Variants in C1orf198 observed in about 807,000 individuals in gnomAD.
C1orf198 encodes the protein chromosome 1 open reading frame 198, also known as uncharacterized protein C1orf198.
Under a neutral mutation model 31.4 loss-of-function variants are expected in C1orf198, and 17 were observed. The observed-to-expected ratio is 0.54, with a 90% CI of 0.37 to 0.81. C1orf198 has a LOEUF of 0.81. Among genes scored for constraint, C1orf198 ranks in the 40% least tolerant of loss-of-function variants. C1orf198 has a pLI of 0.00. For missense variants in C1orf198, 401 were observed against 450.3 expected (o/e 0.89, Z 0.99); for synonymous variants, 175 against 193.8 (o/e 0.90, Z 0.81).
At chr1:230,869,142 T>C (rs35748402), upstream of C1orf198, 45,771 of 152,396 alleles carry the variant, frequency 0.3, 7,453 homozygotes, top group East Asian at 0.52. Context: ...GCCCGGAGGC[T>C]GGAGGGCGAC....
chr1:230,864,661 G>A (rs1046505106), intron 1 of C1orf198, among the ~76,000 whole-genome samples: 2 of 152,180 alleles, frequency 1.3e-5, no homozygotes, highest in African/African-American at 4.8e-5. Context: ...CGTATGGAGA[G>A]ATGGAAGAGG....
intron 1 of C1orf198, among the ~76,000 whole-genome samples, chr1:230,861,800 G>A (rs980692409): frequency 1.3e-5 from 2 of 152,220 alleles, no homozygotes; most frequent in Non-Finnish European, 2.9e-5. Flanking sequence ...AAAACAGCTA[G>A]GCGGGGAGTG....
In C1orf198 at chr1:230,843,385, T is replaced by C; in HGVS notation, c.896A>G (p.Asp299Gly). 1 of 1,559,954 alleles carries C rather than the reference T, an allele frequency of 6.4e-7. No individual in the cohort carries two copies. ...SPDVRQDDGE[D>G]TLFSEPKFAQ... ...AAACTTGGGTTCCGAGAACAGGGTG[T>C]CTTCCCCATCGTCCTGCCTGACATC... The change falls in exon 3 of 4, where the codon GAC becomes GGC. Residue 299 changes from aspartate (D) to glycine (G), a missense_variant. Physicochemically the swap from Asp to Gly is moderately conservative, Grantham distance 94. Transcript: ENST00000366663. The surrounding 1 kb of genome is among the most constrained non-coding windows in gnomAD (Gnocchi z 4.9).
chr1:230,869,203 C>G (rs962059749), upstream of C1orf198: 1 of 152,306 alleles, frequency 6.6e-6, no homozygotes, highest in Non-Finnish European at 1.5e-5. Flanking sequence ...AAAGTCAGCT[C>G]CCGCCGCCCC....
chr1:230,860,045 T>G (rs75905248), intron 1 of C1orf198, among the ~76,000 whole-genome samples: 2,103 of 152,294 alleles, frequency 0.014, 45 homozygotes, highest in African/African-American at 0.048. Flanking sequence ...GAGAGCTGAT[T>G]GTAAAATTTT....
chr1:230,866,975 T>A (rs1164652573), intron 1 of C1orf198, among the ~76,000 whole-genome samples: 1 of 152,182 alleles, frequency 6.6e-6, no homozygotes, highest in Non-Finnish European at 1.5e-5. Context: ...CACTTTTCCC[T>A]CACATTAAAG....
Position 230,839,820 on chromosome 1 carries a change from T to C in C1orf198, c.*32A>G. 6.3e-7 allele frequency: 1 copy of C among 1,596,156 alleles called. No homozygotes were observed. Among genetic ancestry groups the C allele is most frequent in the Non-Finnish European group, 8.6e-7 (1 of 1,167,936 alleles). On this transcript the variant is annotated 3_prime_UTR_variant, in exon 4 of 4. Coordinates refer to ENST00000366663, the MANE Select transcript of C1orf198 (RefSeq NM_032800.3). ...CACCACACCACTTTGGAAAACATTT[T>C]AGGGTTCTTCATTGTATTTTTCTAA...
chr1:230,855,769 C>A, intron 1 of C1orf198, 51 bp from the exon 2 acceptor site: 1 of 1,605,302 alleles, frequency 6.2e-7, no homozygotes, highest in East Asian at 2.2e-5. Context: ...AGACATACCC[C>A]ATGCAAATAT....
rs1038851804 is a variant in C1orf198, at chr1:230,839,222, G to A, written c.*630C>T. 6.6e-6 allele frequency: 1 copy of A among 152,586 alleles called. No homozygotes were observed. The highest frequency in any genetic ancestry group is 1.5e-5 in the Non-Finnish European group (1 of 68,352). The allele number at this position is 152,586 out of a possible 1,614,324, so 9.5% of individuals were successfully genotyped here. The stretch of plus-strand genomic sequence containing the variant: ...CAATCCATACTCTGAATATGTATCA[G>A]AGCAGGTTAAAGACTACACTGCTAC... On this transcript the variant is annotated 3_prime_UTR_variant, in exon 4 of 4. Transcript: ENST00000366663.
intron 1 of C1orf198, among the ~76,000 whole-genome samples, chr1:230,861,368 T>C (rs1316438348): frequency 1.3e-5 from 2 of 152,170 alleles, no homozygotes; most frequent in Non-Finnish European, 2.9e-5. Flanking sequence ...CTAAAACTAC[T>C]GTAAAAACTG....
upstream of C1orf198, chr1:230,868,591 G>GCCCCGCCCCCTCCGGGAA (rs1270825596): frequency 1.2e-5 from 13 of 1,051,760 alleles, no homozygotes; most frequent in Non-Finnish European, 1.5e-5. Context: ...GCCACCCGGA[G>GCCCCGCCCCCTCCGGGAA]CCCCGCCCCC....
chr1:230,846,097 T>G (rs1467235629), intron 2 of C1orf198, among the ~76,000 whole-genome samples: 2 of 152,276 alleles, frequency 1.3e-5, no homozygotes, highest in Admixed American at 6.5e-5. Flanking sequence ...AACATCTTCA[T>G]GCATACAATC....
rs1407691914 is a variant in C1orf198 at position 230,843,959 on chromosome 1, G to C, written c.385-63C>G. On this transcript the variant is annotated intron_variant, in intron 2 of 3. Coordinates refer to ENST00000366663, the MANE Select transcript of C1orf198 (RefSeq NM_032800.3). This position sits in a 1 kb window ranked among gnomAD's most constrained non-coding sequence, Gnocchi z 4.9. ...AGATCCTGAGAATCGACCGTCACAA[G>C]TGTGCCAGCTCACGCACCCCTCCTC... 4 of 1,472,100 alleles carry C rather than the reference G, an allele frequency of 2.7e-6. No individual in the cohort carries two copies. In the African/African-American group the frequency reaches 4.2e-5, roughly 16 times the overall value. 91.2% of individuals were successfully genotyped at this position (1,472,100 alleles called of 1,614,324 possible).
At chr1:230,856,056 G>T in intron 1 of C1orf198, 2 of 984,586 alleles carry the variant, frequency 2.0e-6, no homozygotes, top group Non-Finnish European at 2.5e-6. Flanking sequence ...ACTCAGCCCT[G>T]AACAATGATT....
chr1:230,860,934 C>G (rs1399093874), intron 1 of C1orf198, among the ~76,000 whole-genome samples: 1 of 152,088 alleles, frequency 6.6e-6, no homozygotes, highest in East Asian at 1.9e-4. Flanking sequence ...CATGGAGGAA[C>G]CTCAAATGAA....
chr1:230,850,981 C>G (rs965895105), intron 2 of C1orf198, among the ~76,000 whole-genome samples: 1 of 152,078 alleles, frequency 6.6e-6, no homozygotes, highest in Non-Finnish European at 1.5e-5. Flanking sequence ...CCCTGCATCC[C>G]GGTGTCCTGA....
intron 2 of C1orf198, among the ~76,000 whole-genome samples, chr1:230,851,123 G>A (rs369450686): frequency 2.8e-4 from 43 of 152,232 alleles, no homozygotes; most frequent in Non-Finnish European, 5.3e-4. Context: ...CCAAGGAGGC[G>A]TCTGGAAGGC....
At chr1:230,869,307 A>C (rs1387656595), upstream of C1orf198, 2 of 152,294 alleles carry the variant, frequency 1.3e-5, no homozygotes, top group Non-Finnish European at 2.9e-5. Flanking sequence ...ACGTTTGCAA[A>C]CAAACCAAAG....
At chr1:230,863,426 AT>A (rs1670042932) in intron 1 of C1orf198, among the ~76,000 whole-genome samples, 1 of 152,228 alleles carries the variant, frequency 6.6e-6, no homozygotes, top group African/African-American at 2.4e-5. Context: ...AGAAATAGAT[AT>A]TTTCTCCAGT....
Sources: gnomAD v4.1 joint callset for allele counts (sites outside exome capture counted in the v4.1 genomes callset) on GRCh38, gnomAD v4.1.1 for gene constraint, Gnocchi (gnomAD v3.1) non-coding constraint, MANE v1.5 for transcripts, NCBI Gene and HGNC (gene_info 2026-07-23, HGNC 2026-07-21) for gene names.